GAR1: variants seen among roughly 807,000 people sequenced by gnomAD.
GAR1 encodes the protein GAR1 ribonucleoprotein.
In GAR1, 11 loss-of-function variants were observed where a neutral mutation model predicts 29.3. The ratio of observed to expected loss-of-function variants is 0.38; its 90% CI spans 0.24 to 0.62. The LOEUF (loss-of-function observed/expected upper bound fraction) is 0.62. Among genes scored for constraint, GAR1 ranks in the 20% least tolerant of loss-of-function variants. The probability of loss-of-function intolerance (pLI) is 0.62; values close to 1 mark genes in which losing one functional copy is unlikely to be tolerated. For missense variants in GAR1, 237 were observed against 268.4 expected (o/e 0.88, Z 0.82); for synonymous variants, 87 against 93.3 (o/e 0.93, Z 0.39).
At chr4:109,822,313 A>C in intron 4 of GAR1, 34 bp from the exon 5 acceptor site, 1 of 1,271,638 alleles carries the variant, frequency 7.9e-7, no homozygotes, top group Non-Finnish European at 1.1e-6. Flanking sequence ...CTGTCCCCCA[A>C]GTTGTATACT....
At chr4:109,818,296 T>TG (rs1560579474) in intron 3 of GAR1, among the ~76,000 whole-genome samples, 1 of 152,152 alleles carries the variant, frequency 6.6e-6, no homozygotes, top group African/African-American at 2.4e-5. Context: ...ACTTTTTTTT[T>TG]GGAAAATTCT....
chr4:109,817,365 C>A (rs1325325808), intron 2 of GAR1, among the ~76,000 whole-genome samples: 1 of 151,696 alleles, frequency 6.6e-6, no homozygotes, highest in Non-Finnish European at 1.5e-5. Flanking sequence ...GGGTGACAGT[C>A]TAGTTAGAAA....
rs74931556 is a variant in GAR1, at chr4:109,816,962, A to G, written c.214+584A>G. ...ACTGCCAGAGAGGAAATCTAGAAAA[A>G]CACCTATTTAGGGTAGTTTTAGAGT... is the stretch of plus-strand genomic sequence containing the variant. On this transcript the variant is annotated intron_variant, in intron 2 of 6. Transcript: ENST00000226796. Among the ~76,000 whole-genome samples the G allele has an allele frequency of 3.7e-3, 569 of 152,352 alleles. 4 individuals are homozygous for G. The highest frequency in any genetic ancestry group is 0.013 in the African/African-American group (536 of 41,570).
intron 1 of GAR1, 105 bp downstream of exon 1, chr4:109,815,909 TG>T (rs1054765227): frequency 1.1e-5 from 6 of 541,520 alleles, no homozygotes; most frequent in African/African-American, 9.7e-5. Context: ...CCTTGCTGTC[TG>T]TAGGGGGAGG....
intron 4 of GAR1, among the ~76,000 whole-genome samples, chr4:109,819,898 T>C (rs1733465645): frequency 6.6e-6 from 1 of 152,164 alleles, no homozygotes; most frequent in Non-Finnish European, 1.5e-5. Flanking sequence ...AAGTTGTGAA[T>C]TAAGACCAGA....
In GAR1 at chr4:109,815,773, C is replaced by T. The variant is rs1231470440; in HGVS notation, c.-44C>T. ...AGTACCCCGCGGGTGGGTGTGTGCG[C>T]AAGGCCAGGGCCAGAGGGGCACGTG... On this transcript the variant is annotated 5_prime_UTR_variant, in exon 1 of 7. Transcript: ENST00000226796. The T allele has an allele frequency of 4.7e-6, 1 of 211,298 alleles. No homozygotes were observed. The highest frequency in any genetic ancestry group is 9.5e-6 in the Non-Finnish European group (1 of 104,752). 13.1% of individuals were successfully genotyped at this position (211,298 alleles called of 1,614,324 possible).
chr4:109,817,220 T>G (rs73838871), intron 2 of GAR1, among the ~76,000 whole-genome samples: 2,581 of 151,746 alleles, frequency 0.017, 74 homozygotes, highest in African/African-American at 0.059. Context: ...AAAGGAAGGG[T>G]TAGATAGGAG....
rs910438131 is a variant in GAR1, at chr4:109,823,821, A to T, written c.572-144A>T. The T allele has an allele frequency of 2.6e-5, 12 of 454,804 alleles. 1 individual carries two copies. The Admixed American group carries it at 4.8e-4, about 18-fold the overall frequency. The allele number at this position is 454,804 out of a possible 1,614,324, so 28.2% of individuals were successfully genotyped here. A position where few individuals can be genotyped will look rare whatever the true frequency, so the allele number is the denominator to read the frequency against. ...TTTCCCTGATAAAATATGTGAATCT[A>T]TATTTATTCATTATAATTATAGTTA... On this transcript the variant is annotated intron_variant, in intron 5 of 6. Coordinates refer to ENST00000226796, the MANE Select transcript of GAR1 (RefSeq NM_018983.4).
chr4:109,817,736 G>A (rs1282139310), intron 2 of GAR1, among the ~76,000 whole-genome samples, 200 bp from the exon 3 acceptor site: 1 of 152,164 alleles, frequency 6.6e-6, no homozygotes, highest in African/African-American at 2.4e-5. Flanking sequence ...GAGAGGGTGG[G>A]TAACTTCTCC....
At chr4:109,817,581 A>G (rs1352851200) in intron 2 of GAR1, among the ~76,000 whole-genome samples, 1 of 152,256 alleles carries the variant, frequency 6.6e-6, no homozygotes, top group Admixed American at 6.5e-5. Context: ...CATAACTGTT[A>G]CAGGTTGAAT....
At chr4:109,819,214 A>C (rs1288600813) in intron 4 of GAR1, 154 bp downstream of exon 4, 2 of 670,758 alleles carry the variant, frequency 3.0e-6, no homozygotes, top group South Asian at 3.4e-5. Flanking sequence ...TGAACACACT[A>C]ATCTTTAAAA....
chr4:109,815,609 G>C, upstream of GAR1: 1 of 161,350 alleles, frequency 6.2e-6, no homozygotes, highest in Non-Finnish European at 1.4e-5. Context: ...CTTTTCCAGC[G>C]CTAAAGGCTG....
Position 109,822,376 on chromosome 4 carries a change from A to G in GAR1, c.459A>G (p.Pro153=). 1.2e-6 allele frequency: 2 copies of G among 1,600,640 alleles called. No individual in the cohort carries two copies. Among genetic ancestry groups the G allele is most frequent in the Non-Finnish European group, 1.7e-6 (2 of 1,171,726 alleles). Residue 153 remains proline (P), a synonymous_variant, in exon 5 of 7, where the codon CCA becomes CCG. Transcript: ENST00000226796. ...ATATAGACCCATATAAGCTGCTGCC[A>G]CTGCAGAGGTTTTTACCTCGACCTC... is the stretch of plus-strand genomic sequence containing the variant. ...KFYIDPYKLL[P]LQRFLPRPPG...
intron 1 of GAR1, 71 bp downstream of exon 1, chr4:109,815,875 A>G (rs1733334506): frequency 5.0e-6 from 2 of 403,122 alleles, no homozygotes; most frequent in African/African-American, 2.1e-5. Flanking sequence ...GGGAGGGAGG[A>G]AGGAAGGGGA....
chr4:109,819,392 G>A (rs1266429393), intron 4 of GAR1: 3 of 309,052 alleles, frequency 9.7e-6, no homozygotes, highest in African/African-American at 4.5e-5. Flanking sequence ...TAAAACTTAC[G>A]TTATTTGAGA....
intron 6 of GAR1, 101 bp from the exon 7 acceptor site, chr4:109,824,317 A>G (rs1733595812): frequency 1.1e-5 from 9 of 790,996 alleles, no homozygotes; most frequent in East Asian, 2.5e-5. Flanking sequence ...TTTGCTAAAC[A>G]TTATTGGAAC....
chr4:109,822,630 C>A, intron 5 of GAR1, 142 bp downstream of exon 5: 1 of 766,294 alleles, frequency 1.3e-6, no homozygotes, highest in Non-Finnish European at 1.9e-6. Flanking sequence ...GGCAGATTGT[C>A]CATAATAATA....
Position 109,824,579 on chromosome 4 carries a change from A to G in GAR1, c.*148A>G, listed in dbSNP as rs1184663348. 3 of 675,750 alleles carry G rather than the reference A, an allele frequency of 4.4e-6. No homozygotes were observed. The highest frequency in any genetic ancestry group is 1.9e-5 in the South Asian group (1 of 53,018). The allele number at this position is 675,750 out of a possible 1,614,324, so 41.9% of individuals were successfully genotyped here. A position where few individuals can be genotyped will look rare whatever the true frequency, so the allele number is the denominator to read the frequency against. ...GGATCTAAAATGTCAGCATCATGCA[A>G]AGTGCAACGGAATAGTGAATTTTGC... On this transcript the variant is annotated 3_prime_UTR_variant, in exon 7 of 7. Transcript: ENST00000226796.
At chr4:109,816,113 T>C (rs1363816498) in intron 1 of GAR1, 40 bp from the exon 2 acceptor site, 12 of 1,574,288 alleles carry the variant, frequency 7.6e-6, no homozygotes, top group Non-Finnish European at 1.7e-6. Flanking sequence ...ACTCAGAGGC[T>C]ACAGTGATCA....
Sources: gnomAD v4.1 joint callset for allele counts (sites outside exome capture counted in the v4.1 genomes callset) on GRCh38, gnomAD v4.1.1 for gene constraint, MANE v1.5 for transcripts, NCBI Gene and HGNC (gene_info 2026-07-23, HGNC 2026-07-21) for gene names.